GRAMD4: variants seen among roughly 807,000 people sequenced by gnomAD.
GRAMD4 encodes the protein GRAM domain-containing protein 4.
A neutral mutation model predicts 83.9 loss-of-function variants in GRAMD4; 25 were observed. The observed-to-expected ratio is 0.30, with a 90% CI of 0.22 to 0.42. GRAMD4 has a LOEUF of 0.42. Ranked by LOEUF, GRAMD4 falls within the 10% of genes least tolerant of loss-of-function variation. The pLI is 1.00. For synonymous variants in GRAMD4, 336 were observed against 320.9 expected (o/e 1.05, Z -0.50); for missense variants, 593 against 788.7 (o/e 0.75, Z 2.97).
At chr22:46,641,716 A>G (rs1238561731) in intron 3 of GRAMD4, among the ~76,000 whole-genome samples, 1 of 152,050 alleles carries the variant, frequency 6.6e-6, no homozygotes, top group African/African-American at 2.4e-5. Context: ...GTGTGCTTCC[A>G]TGAGGCAGTC....
downstream of GRAMD4, among the ~76,000 whole-genome samples, chr22:46,681,058 G>A (rs1042365384): frequency 1.3e-5 from 2 of 148,980 alleles, no homozygotes; most frequent in African/African-American, 5.0e-5. Context: ...GATAGCCACC[G>A]ACCCCTTCCA....
intron 3 of GRAMD4, among the ~76,000 whole-genome samples, chr22:46,643,116 CAT>C (rs2082001832): frequency 6.9e-6 from 1 of 144,888 alleles, no homozygotes; most frequent in Non-Finnish European, 1.5e-5. Flanking sequence ...TCCATCCATC[CAT>C]CCATGCATCC....
intron 3 of GRAMD4, among the ~76,000 whole-genome samples, chr22:46,644,897 C>CTTTGTT (rs2082051272): frequency 2.4e-5 from 1 of 40,986 alleles, no homozygotes; most frequent in Non-Finnish European, 4.0e-5. Context: ...TGCACATGGC[C>CTTTGTT]TTTTTTTTTT....
At chr22:46,670,687 C>T (rs56030380) in intron 13 of GRAMD4, among the ~76,000 whole-genome samples, 1 of 152,234 alleles carries the variant, frequency 6.6e-6, no homozygotes, top group Non-Finnish European at 1.5e-5. Context: ...CTCACTGCAA[C>T]CTCCATCCCC....
intron 1 of GRAMD4, among the ~76,000 whole-genome samples, chr22:46,597,360 A>G (rs113205602): frequency 3.9e-5 from 6 of 152,268 alleles, no homozygotes; most frequent in South Asian, 4.2e-4. Context: ...TGGGGATGAG[A>G]TGATGTGGTG....
chr22:46,673,107 T>A, intron 14 of GRAMD4, 110 bp downstream of exon 14: 1 of 890,548 alleles, frequency 1.1e-6, no homozygotes, highest in Non-Finnish European at 1.7e-6. Context: ...GGCTGTTTCT[T>A]CAATTTTATA....
At chr22:46,660,925 C>G (rs544483820) in intron 4 of GRAMD4, among the ~76,000 whole-genome samples, 1 of 152,308 alleles carries the variant, frequency 6.6e-6, no homozygotes, top group East Asian at 1.9e-4. Flanking sequence ...GTCTAGTGCC[C>G]CTGCCCAGTC....
chr22:46,589,251 G>T (rs1302318329), intron 1 of GRAMD4, among the ~76,000 whole-genome samples: 2 of 151,218 alleles, frequency 1.3e-5, no homozygotes, highest in Non-Finnish European at 3.0e-5. Flanking sequence ...GCTCTTGGGG[G>T]GAGTCCTGGG....
chr22:46,643,119 C>CCATCCATG (rs2082002074), intron 3 of GRAMD4, among the ~76,000 whole-genome samples: 1 of 102,752 alleles, frequency 9.7e-6, no homozygotes. Flanking sequence ...ATCCATCCAT[C>CCATCCATG]CATGCATCCA....
At chr22:46,580,266 G>T (rs1301916866) in intron 1 of GRAMD4, among the ~76,000 whole-genome samples, 3 of 152,240 alleles carry the variant, frequency 2.0e-5, no homozygotes, top group African/African-American at 4.8e-5. Flanking sequence ...CATCTGCTGG[G>T]CGCCTCCGAG....
intron 1 of GRAMD4, among the ~76,000 whole-genome samples, chr22:46,625,314 A>C (rs1375074861): frequency 6.6e-6 from 1 of 152,148 alleles, no homozygotes; most frequent in African/African-American, 2.4e-5. Flanking sequence ...ACTGTTAATG[A>C]GTCTTCTTGC....
chr22:46,658,156 G>A (rs374059930), intron 3 of GRAMD4, 31 bp from the exon 4 acceptor site: 55 of 1,612,750 alleles, frequency 3.4e-5, no homozygotes, highest in Non-Finnish European at 4.2e-5. Flanking sequence ...GGACATGAGC[G>A]ATGGTCACCT....
chr22:46,651,973 CGCCGG>C (rs1400488180), intron 3 of GRAMD4, among the ~76,000 whole-genome samples: 1 of 152,092 alleles, frequency 6.6e-6, no homozygotes, highest in African/African-American at 2.4e-5. Context: ...GGAAAGTCCA[CGCCGG>C]GCCAGGTGGA....
chr22:46,649,256 C>A (rs1190385362), intron 3 of GRAMD4, among the ~76,000 whole-genome samples: 1 of 152,184 alleles, frequency 6.6e-6, no homozygotes, highest in Non-Finnish European at 1.5e-5. Flanking sequence ...GGCAGAGAGC[C>A]TGTTGCTGTG....
At chr22:46,649,676 C>T (rs1158926510) in intron 3 of GRAMD4, among the ~76,000 whole-genome samples, 5 of 152,348 alleles carry the variant, frequency 3.3e-5, no homozygotes, top group Admixed American at 1.3e-4. Context: ...TCCTGGTTAT[C>T]AGCCAAGACA....
At chr22:46,676,420 C>G (rs2082599366) in intron 17 of GRAMD4, among the ~76,000 whole-genome samples, 180 bp from the exon 18 acceptor site, 1 of 152,192 alleles carries the variant, frequency 6.6e-6, no homozygotes, top group Non-Finnish European at 1.5e-5. Context: ...GGTCTGGTGT[C>G]TCGGCCACAA....
intron 1 of GRAMD4, among the ~76,000 whole-genome samples, chr22:46,614,167 A>T (rs138497): frequency 0.87 from 133,029 of 152,050 alleles, 58,302 homozygotes; most frequent in East Asian, 1. Flanking sequence ...ATCATATGAT[A>T]GCATTTTACT....
At chr22:46,669,656 A>G (rs902243181) in intron 13 of GRAMD4, among the ~76,000 whole-genome samples, 1 of 147,850 alleles carries the variant, frequency 6.8e-6, no homozygotes, top group Non-Finnish European at 1.5e-5. Flanking sequence ...GCTCACTGCA[A>G]CCTCCGCCTC....
chr22:46,625,979 A>G (rs2081651992), intron 1 of GRAMD4, among the ~76,000 whole-genome samples: 1 of 152,208 alleles, frequency 6.6e-6, no homozygotes, highest in Non-Finnish European at 1.5e-5. Context: ...GGGGGCTGGG[A>G]CAGGAGGCCC....
Sources: allele counts gnomAD v4.1 joint callset (sites outside exome capture counted in the v4.1 genomes callset), GRCh38; gene constraint gnomAD v4.1.1; transcripts MANE v1.5; gene names NCBI Gene and HGNC (gene_info 2026-07-23, HGNC 2026-07-21).